The following GALNT18 variants were observed in gnomAD, a reference collection of about 807,000 sequenced individuals.
GALNT18 encodes polypeptide N-acetylgalactosaminyltransferase 18, also known as GalNAc-transferase 18.
A neutral mutation model predicts 69.5 loss-of-function variants in GALNT18; 44 were observed. The ratio of observed to expected loss-of-function variants is 0.63; its 90% CI spans 0.50 to 0.81. GALNT18 has a LOEUF of 0.81. GALNT18 is among the 40% of genes least tolerant of loss of function. GALNT18 has a pLI of 0.00. For synonymous variants in GALNT18, 364 were observed against 318.2 expected, an observed-to-expected ratio of 1.14 and a Z score of -1.53; for missense variants, 715 against 810.0, an observed-to-expected ratio of 0.88 and a Z score of 1.42.
At chr11:11,578,369 C>T (rs1450020012) in intron 1 of GALNT18, among the ~76,000 whole-genome samples, 1 of 149,654 alleles carries the variant, frequency 6.7e-6, no homozygotes, top group Non-Finnish European at 1.5e-5. Flanking sequence ...CAAATAATCC[C>T]CACACTTTCT....
chr11:11,392,221 T>C (rs962224503), intron 3 of GALNT18, among the ~76,000 whole-genome samples: 6 of 152,190 alleles, frequency 3.9e-5, no homozygotes, highest in Admixed American at 1.3e-4. Context: ...GTTTATTGAC[T>C]ACATGGATTC....
rs1464066426 is a variant in GALNT18, at chr11:11,377,107, T to A, written c.977+75A>T. ...CCACGATGGGGCTCAAGTTGGAGAA[T>A]AAGCATTGGACCAGTAGGCGGTCCC... On this transcript the variant is annotated intron_variant, in intron 5 of 10. Transcript: ENST00000227756. This position sits in a 1 kb window ranked among gnomAD's most constrained non-coding sequence, Gnocchi z 4.6. The A allele has an allele frequency of 2.1e-6, 3 of 1,400,546 alleles. No homozygotes were observed. Among genetic ancestry groups the A allele is most frequent in the Non-Finnish European group, 3.0e-6 (3 of 1,000,102 alleles). The allele number at this position is 1,400,546 out of a possible 1,614,324, so 86.8% of individuals were successfully genotyped here.
At chr11:11,428,636 G>A (rs890196653) in intron 3 of GALNT18, among the ~76,000 whole-genome samples, 1 of 152,164 alleles carries the variant, frequency 6.6e-6, no homozygotes, top group African/African-American at 2.4e-5. Context: ...CCAAACTCTG[G>A]CCTCAGGTGC....
At position 11,353,458 on chromosome 11, in the gene GALNT18, T is replaced by C. The variant is rs1850463470; in HGVS notation, c.1093-12454A>G. The stretch of plus-strand genomic sequence containing the variant: ...ATTGCTGTGAGGCACCGTCTCCTTG[T>C]GGACATGCTTGTGCTATCCAGCTGC... On this transcript the variant is annotated intron_variant, in intron 6 of 10. Transcript: ENST00000227756. The C allele has an allele frequency of 1.2e-5, 5 of 427,720 alleles. No individual in the cohort carries two copies. In the Admixed American group the frequency reaches 2.1e-4, roughly 18 times the overall value. The allele number at this position is 427,720 out of a possible 1,614,324, so 26.5% of individuals were successfully genotyped here.
intron 1 of GALNT18, among the ~76,000 whole-genome samples, chr11:11,537,329 C>T (rs4243934): frequency 0.49 from 73,604 of 151,744 alleles, 18,767 homozygotes; most frequent in East Asian, 0.82. Flanking sequence ...ATTGCTTTAC[C>T]TTTGTAAGGC....
chr11:11,620,398 T>C lies in GALNT18; in HGVS notation c.235+961A>G, dbSNP rs542088525. On this transcript the variant is annotated intron_variant, in intron 1 of 10. Transcript: ENST00000227756. The surrounding 1 kb of genome is among the most constrained non-coding windows in gnomAD (Gnocchi z 6.9). Reference sequence around the variant, plus strand: ...GCGCCCGGAACTCCATTCCCTCCCATGACAGCTCATTGACCAGGTCGCCTC... The same window carrying C: ...GCGCCCGGAACTCCATTCCCTCCCACGACAGCTCATTGACCAGGTCGCCTC... 7.0e-4 allele frequency among the ~76,000 whole-genome samples: 106 copies of C among 152,136 alleles called. 2 individuals are homozygous for C. The highest frequency in any genetic ancestry group is 2.5e-3 in the African/African-American group (103 of 41,512).
At chr11:11,306,316 T>C (rs58889750) in intron 9 of GALNT18, among the ~76,000 whole-genome samples, 5,298 of 152,236 alleles carry the variant, frequency 0.035, 305 homozygotes, top group African/African-American at 0.12. Flanking sequence ...ACTAGCAATC[T>C]TGGTGATCAG....
chr11:11,557,662 T>G (rs1268075070), intron 1 of GALNT18, among the ~76,000 whole-genome samples: 1 of 152,244 alleles, frequency 6.6e-6, no homozygotes, highest in Non-Finnish European at 1.5e-5. Flanking sequence ...TGTCAGCTTC[T>G]GTGGCTATCA....
chr11:11,361,691 T>C (rs1850649877), intron 6 of GALNT18, among the ~76,000 whole-genome samples: 1 of 152,206 alleles, frequency 6.6e-6, no homozygotes, highest in African/African-American at 2.4e-5. Flanking sequence ...GCATACAGAA[T>C]ATATTTTCTT....
rs903290931 is a variant in GALNT18, at chr11:11,432,626, C to T, written c.590G>A (p.Ser197Asn). The T allele has an allele frequency of 3.1e-6, 5 of 1,607,080 alleles. No homozygotes were observed. The African/African-American group carries it at 6.7e-5, about 21-fold the overall frequency. Residue 197 changes from serine to asparagine, a missense_variant, in exon 3 of 11, where the codon AGT becomes AAT. Coordinates refer to ENST00000227756, the MANE Select transcript of GALNT18 (RefSeq NM_198516.3). This position sits in a 1 kb window ranked among gnomAD's most constrained non-coding sequence, Gnocchi z 5.8. ...KEIILVDDNS[S>N]NEELKEKLTE... ...TGGGAAGCTCCGACACTCACCGTTA[C>T]TGCTGTTGTCATCCACCAGAATGAT...
intron 2 of GALNT18, among the ~76,000 whole-genome samples, chr11:11,442,594 G>A (rs1677548501): frequency 6.6e-6 from 1 of 152,066 alleles, no homozygotes; most frequent in African/African-American, 2.4e-5. Context: ...CAGTGCCCCT[G>A]GCTCTGGGCT....
chr11:11,332,590 T>A lies in GALNT18; in HGVS notation c.1416+104A>T. 1 of 1,363,178 alleles carries A rather than the reference T, an allele frequency of 7.3e-7. No homozygotes were observed. Among genetic ancestry groups the A allele is most frequent in the Non-Finnish European group, 1.0e-6 (1 of 979,674 alleles). 84.4% of individuals were successfully genotyped at this position (1,363,178 alleles called of 1,614,324 possible). ...GCCCGGTCCCCAGGCCTACTGCAGT[T>A]CTTCATGTGAGCAGCTGAGAGGCTC... On this transcript the variant is annotated intron_variant, in intron 8 of 10. Coordinates refer to ENST00000227756, the MANE Select transcript of GALNT18 (RefSeq NM_198516.3). The surrounding 1 kb of genome is among the most constrained non-coding windows in gnomAD (Gnocchi z 4.3).
chr11:11,288,614 C>G (rs185882591), intron 10 of GALNT18, among the ~76,000 whole-genome samples: 8 of 152,238 alleles, frequency 5.3e-5, no homozygotes, highest in Middle Eastern at 3.4e-3. Context: ...TGATGAACGA[C>G]TAAAGGAAAG....
chr11:11,570,744 T>C (rs1858775125), intron 1 of GALNT18, among the ~76,000 whole-genome samples: 2 of 152,182 alleles, frequency 1.3e-5, no homozygotes, highest in Non-Finnish European at 2.9e-5. Context: ...GCCCAAGTGT[T>C]GTGAAAAGGC....
chr11:11,272,363 A>C (rs1848845770), intron 10 of GALNT18, among the ~76,000 whole-genome samples: 1 of 152,148 alleles, frequency 6.6e-6, no homozygotes, highest in South Asian at 2.1e-4. Context: ...TCTCACTGGG[A>C]CAACTGTGTC....
At chr11:11,609,777 C>A (rs1369615413) in intron 1 of GALNT18, among the ~76,000 whole-genome samples, 2 of 152,178 alleles carry the variant, frequency 1.3e-5, no homozygotes, top group Non-Finnish European at 2.9e-5. Flanking sequence ...TAGCTAGGGG[C>A]CCACCATTTC....
chr11:11,621,504 G>A lies in GALNT18; in HGVS notation c.90C>T (p.Gly30=), dbSNP rs1860192574. 1 of 1,614,022 alleles carries A rather than the reference G, an allele frequency of 6.2e-7. No homozygotes were observed. Among genetic ancestry groups the A allele is most frequent in the African/African-American group, 1.3e-5 (1 of 74,924 alleles). Residue 30 remains glycine (G), a synonymous_variant, in exon 1 of 11, where the codon GGC becomes GGT. Coordinates refer to ENST00000227756, the MANE Select transcript of GALNT18 (RefSeq NM_198516.3). This position sits in a 1 kb window ranked among gnomAD's most constrained non-coding sequence, Gnocchi z 9.3. ...CGCTGGCGATGTAGTTGGTGACCCA[G>A]CCCACGTAGAGCAGGCAGATGATGT... ...MTNIICLLYV[G]WVTNYIASVY...
At chr11:11,279,208 G>A (rs762041829) in intron 10 of GALNT18, among the ~76,000 whole-genome samples, 14 of 152,078 alleles carry the variant, frequency 9.2e-5, no homozygotes, top group Non-Finnish European at 1.6e-4. Context: ...TTCATCTTCT[G>A]CCATAAGCAA....
chr11:11,417,419 A>G (rs1448585929), intron 3 of GALNT18, among the ~76,000 whole-genome samples: 2 of 152,200 alleles, frequency 1.3e-5, no homozygotes, highest in African/African-American at 4.8e-5. Context: ...CCTGAGATAA[A>G]AAGCATTTCA....
Sources: gnomAD v4.1 joint callset for allele counts (sites outside exome capture counted in the v4.1 genomes callset) on GRCh38, gnomAD v4.1.1 for gene constraint, Gnocchi (gnomAD v3.1) non-coding constraint, MANE v1.5 for transcripts, NCBI Gene and HGNC (gene_info 2026-07-23, HGNC 2026-07-21) for gene names.